GPHN: variants seen among roughly 807,000 people sequenced by gnomAD.
The protein encoded by GPHN is gephyrin.
GPHN carries 17 observed loss-of-function variants against 95.5 expected under a neutral mutation model. The ratio of observed to expected loss-of-function variants is 0.18; its 90% confidence interval spans 0.12 to 0.27. The LOEUF (loss-of-function observed/expected upper bound fraction) is 0.27, where lower values mean the gene tolerates loss of function less well. Among genes scored for constraint, GPHN ranks in the 10% least tolerant of loss-of-function variants. The probability of loss-of-function intolerance (pLI) is 1.00; values close to 1 mark genes in which losing one functional copy is unlikely to be tolerated. For synonymous variants in GPHN, 320 were observed against 322.5 expected (o/e 0.99, Z 0.08); for missense variants, 660 against 978.1 (o/e 0.67, Z 4.34).
At chr14:67,206,725 TTTA>T in the GPHN span, among the ~76,000 whole-genome samples, 6 of 151,272 alleles carry the variant, frequency 4.0e-5, no homozygotes, top group African/African-American at 4.8e-5. Context: ...CAAGCAATAA[TTTA>T]TTATTATTAT....
the GPHN span, among the ~76,000 whole-genome samples, chr14:67,341,421 G>C: frequency 6.6e-6 from 1 of 152,022 alleles, no homozygotes; most frequent in East Asian, 1.9e-4. Flanking sequence ...TGGGAAGTGA[G>C]GAGCGTCTCC....
At chr14:67,349,089 T>C in the GPHN span, 2 of 1,613,984 alleles carry the variant, frequency 1.2e-6, no homozygotes, top group African/African-American at 2.7e-5. Flanking sequence ...TATTGACATT[T>C]TGGATAACTG....
chr14:66,839,145 G>A (rs1007382817), intron 4 of GPHN, among the ~76,000 whole-genome samples: 4 of 152,192 alleles, frequency 2.6e-5, no homozygotes, highest in Non-Finnish European at 5.9e-5. Flanking sequence ...TCCTTCAAAA[G>A]ATGCTGAGAA....
chr14:67,440,398 T>TC, the GPHN span, among the ~76,000 whole-genome samples: 1 of 151,394 alleles, frequency 6.6e-6, no homozygotes, highest in African/African-American at 2.4e-5. Flanking sequence ...AAAATTACTG[T>TC]CTCCCCCACC....
intron 1 of GPHN, among the ~76,000 whole-genome samples, chr14:66,655,134 T>C (rs1026098936): frequency 1.3e-5 from 2 of 152,198 alleles, no homozygotes; most frequent in African/African-American, 2.4e-5. Flanking sequence ...TAGAATAATA[T>C]TGTCTATGTA....
chr14:67,345,112 C>A, the GPHN span, among the ~76,000 whole-genome samples: 25 of 151,638 alleles, frequency 1.6e-4, 1 homozygote, highest in Admixed American at 6.6e-4. Context: ...TGTGATGGGG[C>A]ATGCCTATAG....
chr14:67,546,962 G>T, the GPHN span, among the ~76,000 whole-genome samples: 3 of 151,968 alleles, frequency 2.0e-5, no homozygotes, highest in African/African-American at 7.3e-5. Context: ...TTCCTCAGGG[G>T]CCAACAGAGT....
the GPHN span, chr14:67,454,824 C>T: frequency 6.6e-6 from 1 of 151,764 alleles, no homozygotes; most frequent in African/African-American, 2.4e-5. Flanking sequence ...GAAGAGGTGA[C>T]ATCCCCTGAG....
chr14:67,236,129 A>G, the GPHN span, among the ~76,000 whole-genome samples: 1 of 152,208 alleles, frequency 6.6e-6, no homozygotes, highest in African/African-American at 2.4e-5. Flanking sequence ...AAAGTATACT[A>G]TACATTGTTA....
At chr14:66,776,732 G>A (rs1231027646) in intron 3 of GPHN, among the ~76,000 whole-genome samples, 3 of 152,020 alleles carry the variant, frequency 2.0e-5, no homozygotes, top group African/African-American at 7.2e-5. Flanking sequence ...ACAATATTAG[G>A]AGAATCGAAA....
chr14:66,567,426 TGATA>T (rs1359737900), intron 1 of GPHN, among the ~76,000 whole-genome samples: 2 of 152,188 alleles, frequency 1.3e-5, no homozygotes, highest in Non-Finnish European at 2.9e-5. Flanking sequence ...AACAAGAAAA[TGATA>T]GATCTAGGAT....
At chr14:67,172,080 T>C (rs574979919) in intron 21 of GPHN, among the ~76,000 whole-genome samples, 4 of 152,232 alleles carry the variant, frequency 2.6e-5, no homozygotes, top group African/African-American at 7.2e-5. Flanking sequence ...CATGTTGGAA[T>C]TGGAACTATG....
At chr14:67,303,196 A>G in the GPHN span, among the ~76,000 whole-genome samples, 1 of 152,258 alleles carries the variant, frequency 6.6e-6, no homozygotes, top group East Asian at 1.9e-4. Flanking sequence ...GTATAATCAG[A>G]AAATCATTTC....
the GPHN span, among the ~76,000 whole-genome samples, chr14:67,263,470 A>G: frequency 6.6e-6 from 1 of 152,230 alleles, no homozygotes; most frequent in Non-Finnish European, 1.5e-5. Context: ...GAGAATCTCT[A>G]TGAACAAGTG....
At chr14:67,403,232 G>T in the GPHN span, among the ~76,000 whole-genome samples, 1 of 152,162 alleles carries the variant, frequency 6.6e-6, no homozygotes, top group Non-Finnish European at 1.5e-5. Flanking sequence ...TTCGAGAAAT[G>T]TCTATTCAAA....
At chr14:66,846,846 C>A (rs940095608) in intron 4 of GPHN, among the ~76,000 whole-genome samples, 1 of 152,084 alleles carries the variant, frequency 6.6e-6, no homozygotes, top group Non-Finnish European at 1.5e-5. Flanking sequence ...TAATTGCAAG[C>A]ACAGTGAGAG....
At chr14:67,590,396 G>T in the GPHN span, among the ~76,000 whole-genome samples, 1,403 of 151,998 alleles carry the variant, frequency 9.2e-3, 77 homozygotes, top group East Asian at 0.12. Context: ...GGGATTACAG[G>T]TGCTCGCCAC....
the GPHN span, chr14:67,223,781 G>T: frequency 5.1e-6 from 5 of 984,922 alleles, no homozygotes; most frequent in Non-Finnish European, 6.0e-6. Context: ...TTTTTCCCCT[G>T]ATTAGCATTT....
At chr14:67,442,693 G>A in the GPHN span, among the ~76,000 whole-genome samples, 1 of 152,180 alleles carries the variant, frequency 6.6e-6, no homozygotes, top group Non-Finnish European at 1.5e-5. Flanking sequence ...TAAACAACAG[G>A]ACACCTGCAG....
Sources: gnomAD v4.1 joint callset for allele counts (sites outside exome capture counted in the v4.1 genomes callset) on GRCh38, gnomAD v4.1.1 for gene constraint, MANE v1.5 for transcripts, NCBI Gene and HGNC (gene_info 2026-07-23, HGNC 2026-07-21) for gene names.